Variants in NAP1L1 observed in about 807,000 individuals in gnomAD.
NAP1L1 encodes the protein nucleosome assembly protein 1-like 1.
Under a neutral mutation model 58.9 loss-of-function variants are expected in NAP1L1, and 9 were observed. The ratio of observed to expected loss-of-function variants is 0.15; its 90% CI spans 0.09 to 0.27. The LOEUF (loss-of-function observed/expected upper bound fraction) is 0.27, where lower values mean the gene tolerates loss of function less well. Among genes scored for constraint, NAP1L1 ranks in the 10% least tolerant of loss-of-function variants. NAP1L1 has a pLI of 1.00. For missense variants in NAP1L1, 302 were observed against 458.8 expected (o/e 0.66, Z 3.12); for synonymous variants, 130 against 138.3 (o/e 0.94, Z 0.42).
chr12:76,064,683 TTTTAAAACTA>T (rs1302299812), intron 4 of NAP1L1, among the ~76,000 whole-genome samples: 1 of 152,080 alleles, frequency 6.6e-6, no homozygotes, highest in Non-Finnish European at 1.5e-5. Context: ...AAAACCAGAT[TTTTAAAACTA>T]TTGTAAACTA....
intron 4 of NAP1L1, among the ~76,000 whole-genome samples, chr12:76,062,777 C>T (rs530973969): frequency 1.3e-5 from 2 of 152,206 alleles, no homozygotes; most frequent in Admixed American, 6.5e-5. Flanking sequence ...AGAAGGGGTA[C>T]GATCTCTTCA....
At chr12:76,077,841 G>A (rs1436365022) in intron 1 of NAP1L1, among the ~76,000 whole-genome samples, 5 of 151,652 alleles carry the variant, frequency 3.3e-5, no homozygotes, top group East Asian at 1.9e-4. Flanking sequence ...AAAATTAGCC[G>A]GGCGTGGTTG....
chr12:76,079,941 A>C (rs10785228), intron 1 of NAP1L1, among the ~76,000 whole-genome samples: 125,118 of 152,162 alleles, frequency 0.82, 51,651 homozygotes, highest in East Asian at 1. Flanking sequence ...CCTTGGCCTC[A>C]CAAAGTGCTG....
Position 76,078,621 on chromosome 12 carries a change from T to C in NAP1L1, c.-20-4382A>G, listed in dbSNP as rs751987987. 3.2e-4 allele frequency among the ~76,000 whole-genome samples: 48 copies of C among 152,280 alleles called. 1 individual carries two copies. Among genetic ancestry groups the C allele is most frequent in the Admixed American group, 2.3e-3 (35 of 15,300 alleles). On this transcript the variant is annotated intron_variant, in intron 1 of 14. Transcript: ENST00000618691. ...CAAGGAAGTCATCTATTAAAGGTGA[T>C]ATAACAAAATTTGGAAAACTAGAAC...
chr12:76,072,489 T>G (rs1310989428), intron 2 of NAP1L1, among the ~76,000 whole-genome samples: 1 of 151,696 alleles, frequency 6.6e-6, no homozygotes, highest in African/African-American at 2.4e-5. Context: ...TAATAGTAGC[T>G]CCAGAAAGAG....
At chr12:76,063,160 A>C (rs1846207029) in intron 4 of NAP1L1, among the ~76,000 whole-genome samples, 2 of 152,220 alleles carry the variant, frequency 1.3e-5, no homozygotes, top group South Asian at 4.1e-4. Flanking sequence ...AATCCAGCAG[A>C]TTCTATTTAA....
intron 1 of NAP1L1, among the ~76,000 whole-genome samples, chr12:76,076,596 C>CG (rs1950192953): frequency 1.9e-5 from 2 of 107,952 alleles, no homozygotes; most frequent in African/African-American, 7.0e-5. Flanking sequence ...ATATATATCT[C>CG]CACTCATATA....
chr12:76,068,209 C>T (rs1178599688), intron 3 of NAP1L1, among the ~76,000 whole-genome samples: 5 of 152,108 alleles, frequency 3.3e-5, no homozygotes, highest in Non-Finnish European at 4.4e-5. Flanking sequence ...GATGTACACA[C>T]AGCCAGGATA....
chr12:76,048,564 T>C (rs558751804), intron 14 of NAP1L1, 100 bp from the exon 15 acceptor site: 9 of 1,227,262 alleles, frequency 7.3e-6, no homozygotes, highest in Non-Finnish European at 9.6e-6. Context: ...AGCTCACTGT[T>C]GTCAAAAGAA....
intron 9 of NAP1L1, 45 bp downstream of exon 9, chr12:76,053,725 A>C: frequency 6.3e-7 from 1 of 1,588,782 alleles, no homozygotes; most frequent in South Asian, 1.2e-5. Flanking sequence ...CAAGTATAAC[A>C]AAAACAGAAA....
intron 1 of NAP1L1, among the ~76,000 whole-genome samples, chr12:76,083,486 A>C (rs562239714): frequency 6.6e-6 from 1 of 151,616 alleles, no homozygotes; most frequent in East Asian, 1.9e-4. Context: ...AAAAAAAAAA[A>C]AAAAAAAAAC....
chr12:76,084,220 C>G (rs923259667), intron 1 of NAP1L1: 1 of 152,252 alleles, frequency 6.6e-6, no homozygotes, highest in Non-Finnish European at 1.5e-5. Flanking sequence ...CCGGTCCTCG[C>G]GGCGCAGCCG....
At chr12:76,077,801 T>C (rs1950239569) in intron 1 of NAP1L1, among the ~76,000 whole-genome samples, 2 of 151,604 alleles carry the variant, frequency 1.3e-5, no homozygotes, top group Admixed American at 1.3e-4. Flanking sequence ...CTGGGCAAAA[T>C]GGTGAAACCC....
chr12:76,076,576 ATATATATATATATATATC>A (rs1950188521), intron 1 of NAP1L1, among the ~76,000 whole-genome samples: 3 of 45,764 alleles, frequency 6.6e-5, no homozygotes, highest in South Asian at 7.4e-4. Flanking sequence ...ATATATATAT[ATATATATATATATATATC>A]TCCACTCATA....
intron 12 of NAP1L1, 89 bp from the exon 13 acceptor site, chr12:76,049,874 T>G: frequency 7.0e-7 from 1 of 1,437,010 alleles, no homozygotes; most frequent in Admixed American, 1.8e-5. Context: ...TATAAACTAG[T>G]GTCTAAAAAG....
At chr12:76,051,516 G>A (rs1007839169) in intron 11 of NAP1L1, among the ~76,000 whole-genome samples, 17 of 152,128 alleles carry the variant, frequency 1.1e-4, no homozygotes, top group Admixed American at 8.5e-4. Flanking sequence ...AGTTCAGAAA[G>A]ACAATATACT....
rs1346384243 is a variant in NAP1L1, at chr12:76,084,594, C to G, written c.-48G>C. 6.5e-6 allele frequency: 1 copy of G among 152,818 alleles called. No individual in the cohort carries two copies. Among genetic ancestry groups the G allele is most frequent in the Non-Finnish European group, 1.5e-5 (1 of 68,484 alleles). 9.5% of individuals were successfully genotyped at this position (152,818 alleles called of 1,614,324 possible). On this transcript the variant is annotated 5_prime_UTR_variant, in exon 1 of 15. Transcript: ENST00000618691. ...GCGACTAGTATGGGGAGCCAGGCGG[C>G]CGGAGCTGCGCAGGCAGTGACTCAG...
Position 76,045,801 on chromosome 12 carries a change from A to T in NAP1L1, c.*2628T>A. The T allele has an allele frequency of 6.6e-6, 1 of 152,182 alleles. No homozygotes were observed. Among genetic ancestry groups the T allele is most frequent in the South Asian group, 2.1e-4 (1 of 4,830 alleles). The allele number at this position is 152,182 out of a possible 1,614,324, so 9.4% of individuals were successfully genotyped here. A position where few individuals can be genotyped will look rare whatever the true frequency, so the allele number is the denominator to read the frequency against. ...GCAAACAACTCTAAAATTTTTTCAT[A>T]TCAGTTTTCTTTATAAGTGATTATA... On this transcript the variant is annotated 3_prime_UTR_variant, in exon 15 of 15. Transcript: ENST00000618691.
intron 8 of NAP1L1, among the ~76,000 whole-genome samples, chr12:76,054,471 A>AT (rs1204710966): frequency 9.8e-5 from 15 of 152,390 alleles, no homozygotes; most frequent in African/African-American, 3.6e-4. Flanking sequence ...AATAATTAAC[A>AT]TGTTTACACA....
Sources: allele counts gnomAD v4.1 joint callset (sites outside exome capture counted in the v4.1 genomes callset), GRCh38; gene constraint gnomAD v4.1.1; transcripts MANE v1.5; gene names NCBI Gene and HGNC (gene_info 2026-07-23, HGNC 2026-07-21).